The following TUBGCP4 variants were observed in gnomAD, a reference collection of about 807,000 sequenced individuals.
TUBGCP4 encodes tubulin gamma complex component 4, also known as gamma-tubulin complex component 4.
A neutral mutation model predicts 91.6 loss-of-function variants in TUBGCP4; 54 were observed. The observed-to-expected ratio is 0.59, with a 90% CI of 0.47 to 0.74. TUBGCP4 has a LOEUF of 0.74. Ranked by LOEUF, TUBGCP4 falls within the 30% of genes least tolerant of loss-of-function variation. The pLI is 0.00. For missense variants in TUBGCP4, 593 were observed against 800.9 expected, an observed-to-expected ratio of 0.74 and a Z score of 3.13; for synonymous variants, 297 against 302.8, an observed-to-expected ratio of 0.98 and a Z score of 0.20.
intron 11 of TUBGCP4, among the ~76,000 whole-genome samples, chr15:43,396,478 C>T (rs538780651): frequency 6.6e-6 from 1 of 152,294 alleles, no homozygotes; most frequent in Admixed American, 6.5e-5. Flanking sequence ...AATACATACA[C>T]ACAGGCTGAT....
At chr15:43,403,586 A>T in intron 15 of TUBGCP4, 97 bp from the exon 16 acceptor site, 1 of 904,610 alleles carries the variant, frequency 1.1e-6, no homozygotes, top group Non-Finnish European at 1.8e-6. Context: ...GTCAGCTATT[A>T]ATTAGATCAG....
chr15:43,395,090 G>C lies in TUBGCP4; in HGVS notation c.1015-17G>C, dbSNP rs368262131. On this transcript the variant is annotated splice_polypyrimidine_tract_variant and intron_variant, in intron 9 of 17. Transcript: ENST00000564079. ...CTGTAATGAAATTTGTCCCTGTTTT[G>C]TTGGTTGTTTTCATAGCATCTCTGG... The C allele has an allele frequency of 4.1e-4, 667 of 1,614,054 alleles. No individual in the cohort carries two copies. Among genetic ancestry groups the C allele is most frequent in the Non-Finnish European group, 5.3e-4 (621 of 1,179,936 alleles).
At chr15:43,404,948 C>T in intron 17 of TUBGCP4, 1 of 533,150 alleles carries the variant, frequency 1.9e-6, no homozygotes, top group South Asian at 2.6e-5. Context: ...TTAAAAAAAA[C>T]TGATACCGAG....
chr15:43,385,557 G>A, intron 7 of TUBGCP4: 1 of 534,134 alleles, frequency 1.9e-6, no homozygotes, highest in Non-Finnish European at 3.4e-6. Flanking sequence ...AGTAAAGGCA[G>A]AGTGAGGGCC....
intron 4 of TUBGCP4, among the ~76,000 whole-genome samples, chr15:43,377,349 A>T (rs752699453): frequency 6.6e-6 from 1 of 152,198 alleles, no homozygotes; most frequent in Non-Finnish European, 1.5e-5. Flanking sequence ...CCGACTGGGC[A>T]TGGTGGTACA....
At position 43,380,099 on chromosome 15, in the gene TUBGCP4, A is replaced by G; in HGVS notation, c.457A>G (p.Ile153Val). The part of the protein sequence containing the change: ...IKSQKIHGCQ[I>V]LETVYKHSCG... ...TTTTCCACAGATTCATGGTTGTCAA[A>G]TCCTGGAAACAGTCTACAAACACAG... is the stretch of plus-strand genomic sequence containing the variant. Residue 153 changes from isoleucine to valine, a missense_variant, in exon 6 of 18, where the codon ATC (isoleucine) becomes GTC (valine). Coordinates refer to ENST00000564079, the MANE Select transcript of TUBGCP4 (RefSeq NM_014444.5). 1.9e-6 allele frequency: 3 copies of G among 1,614,100 alleles called. No individual in the cohort carries two copies. The highest frequency in any genetic ancestry group is 2.5e-6 in the Non-Finnish European group (3 of 1,179,942).
In TUBGCP4 at chr15:43,406,521, C is replaced by G; in HGVS notation, c.*1307C>G. 2.2e-6 allele frequency: 1 copy of G among 449,522 alleles called. No homozygotes were observed. Among genetic ancestry groups the G allele is most frequent in the Non-Finnish European group, 4.5e-6 (1 of 224,494 alleles). The allele number at this position is 449,522 out of a possible 1,614,324, so 27.8% of individuals were successfully genotyped here. A position where few individuals can be genotyped will look rare whatever the true frequency, so the allele number is the denominator to read the frequency against. On this transcript the variant is annotated 3_prime_UTR_variant, in exon 18 of 18. Transcript: ENST00000564079. ...CTCATTGTCTATGGTTGCTTTCATG[C>G]CCTCACAGCAAAGGCGAGTAGTTGT...
chr15:43,409,740 T>C lies in TUBGCP4; in HGVS notation c.*4526T>C. On this transcript the variant is annotated 3_prime_UTR_variant, in exon 18 of 18. Transcript: ENST00000564079. ...TGTTGAAAGGAGGAATTTCCAAAAA[T>C]TCTATATTAAAAAAAAAAACCAAGA... The C allele has an allele frequency of 6.7e-7, 1 of 1,496,902 alleles. No individual in the cohort carries two copies. Among genetic ancestry groups the C allele is most frequent in the Non-Finnish European group, 9.0e-7 (1 of 1,108,106 alleles). The allele number at this position is 1,496,902 out of a possible 1,614,324, so 92.7% of individuals were successfully genotyped here. A position where few individuals can be genotyped will look rare whatever the true frequency, so the allele number is the denominator to read the frequency against.
chr15:43,371,180 T>C lies in TUBGCP4; in HGVS notation c.-175T>C, dbSNP rs1280875602. On this transcript the variant is annotated 5_prime_UTR_variant, in exon 1 of 18. Coordinates refer to ENST00000564079, the MANE Select transcript of TUBGCP4 (RefSeq NM_014444.5). ...CTTCCGGGACTCCCCCGCGACCCCT[T>C]CCCAGCTTCCCGTCCGCTCCGCCGC... 3 of 666,206 alleles carry C rather than the reference T, an allele frequency of 4.5e-6. No individual in the cohort carries two copies. In the African/African-American group the frequency reaches 5.5e-5, roughly 12 times the overall value. The allele number at this position is 666,206 out of a possible 1,614,324, so 41.3% of individuals were successfully genotyped here. A position where few individuals can be genotyped will look rare whatever the true frequency, so the allele number is the denominator to read the frequency against.
Position 43,403,886 on chromosome 15 carries a change from G to A in TUBGCP4, c.1848+87G>A. 3.3e-6 allele frequency: 3 copies of A among 921,458 alleles called. No individual in the cohort carries two copies. In the East Asian group the frequency reaches 7.2e-5, roughly 22 times the overall value. The allele number at this position is 921,458 out of a possible 1,614,324, so 57.1% of individuals were successfully genotyped here. A position where few individuals can be genotyped will look rare whatever the true frequency, so the allele number is the denominator to read the frequency against. On this transcript the variant is annotated intron_variant, in intron 16 of 17. Transcript: ENST00000564079. ...AATTCATGATCTTTCCTCTGAGTCA[G>A]TAAAGCATTTCCTCAATACACACAC...
At chr15:43,395,924 T>C (rs1240405439) in intron 11 of TUBGCP4, among the ~76,000 whole-genome samples, 1 of 152,136 alleles carries the variant, frequency 6.6e-6, no homozygotes, top group Non-Finnish European at 1.5e-5. Flanking sequence ...AACCAGGTAT[T>C]TTTTCTCATT....
intron 16 of TUBGCP4, chr15:43,404,098 C>T (rs1881226510): frequency 1.9e-6 from 1 of 517,672 alleles, no homozygotes; most frequent in Admixed American, 3.3e-5. Context: ...GAACTAACCC[C>T]CATCTCACTG....
At chr15:43,373,327 TA>T (rs2044152681) in intron 1 of TUBGCP4, among the ~76,000 whole-genome samples, 1 of 152,334 alleles carries the variant, frequency 6.6e-6, no homozygotes, top group East Asian at 1.9e-4. Flanking sequence ...TGTTTCAGAA[TA>T]ATTAGATATT....
In TUBGCP4 at chr15:43,408,965, C is replaced by G; in HGVS notation, c.*3751C>G. 1 of 1,614,200 alleles carries G rather than the reference C, an allele frequency of 6.2e-7. No homozygotes were observed. The stretch of plus-strand genomic sequence containing the variant: ...ACAGATAATTACGGTAGTTCTGGAG[C>G]TGGTTGGCATGGCAACTATCATGGA... On this transcript the variant is annotated 3_prime_UTR_variant, in exon 18 of 18. Coordinates refer to ENST00000564079, the MANE Select transcript of TUBGCP4 (RefSeq NM_014444.5).
intron 7 of TUBGCP4, among the ~76,000 whole-genome samples, chr15:43,384,086 A>G (rs1253303228): frequency 6.6e-6 from 1 of 152,190 alleles, no homozygotes; most frequent in Non-Finnish European, 1.5e-5. Flanking sequence ...TGTTGGGATT[A>G]CAGGCATGAG....
chr15:43,408,797 C>A lies in TUBGCP4; in HGVS notation c.*3583C>A. ...CACTCAAATTTATCCCACAGACATT[C>A]CAATTTCTAGAAAGCTTTACTCTCT... On this transcript the variant is annotated 3_prime_UTR_variant, in exon 18 of 18. Transcript: ENST00000564079. 2 of 1,211,496 alleles carry A rather than the reference C, an allele frequency of 1.7e-6. No homozygotes were observed. Among genetic ancestry groups the A allele is most frequent in the South Asian group, 2.7e-5 (2 of 75,042 alleles). 75.0% of individuals were successfully genotyped at this position (1,211,496 alleles called of 1,614,324 possible). A position where few individuals can be genotyped will look rare whatever the true frequency, so the allele number is the denominator to read the frequency against.
chr15:43,371,798 A>G (rs1156999546), intron 1 of TUBGCP4, among the ~76,000 whole-genome samples: 1 of 152,210 alleles, frequency 6.6e-6, no homozygotes, highest in African/African-American at 2.4e-5. Flanking sequence ...CCAAATACAC[A>G]GCTCCCAAAC....
chr15:43,376,024 T>C, intron 1 of TUBGCP4, 74 bp from the exon 2 acceptor site: 2 of 1,593,022 alleles, frequency 1.3e-6, no homozygotes, highest in Non-Finnish European at 1.7e-6. Context: ...AAATGTGTAG[T>C]ATGAAGCGTT....
chr15:43,375,114 G>T (rs980896426), intron 1 of TUBGCP4, among the ~76,000 whole-genome samples: 4 of 152,228 alleles, frequency 2.6e-5, no homozygotes, highest in African/African-American at 9.6e-5. Flanking sequence ...TGTTGGCCAG[G>T]CTGGTCTTGA....
Sources: allele counts gnomAD v4.1 joint callset (sites outside exome capture counted in the v4.1 genomes callset), GRCh38; gene constraint gnomAD v4.1.1; transcripts MANE v1.5; gene names NCBI Gene and HGNC (gene_info 2026-07-23, HGNC 2026-07-21).